FGF12: variants seen among roughly 807,000 people sequenced by gnomAD.
FGF12 encodes the protein fibroblast growth factor 12.
In FGF12, 14 loss-of-function variants were observed where a neutral mutation model predicts 23.6. That is an observed-to-expected ratio of 0.59 (90% CI 0.39 to 0.93). The LOEUF (loss-of-function observed/expected upper bound fraction) is 0.93. FGF12 is among the 40% of genes least tolerant of loss of function. FGF12 has a pLI of 0.00. For synonymous variants in FGF12, 62 were observed against 77.3 expected, an observed-to-expected ratio of 0.80 and a Z score of 1.04; for missense variants, 175 against 217.8, an observed-to-expected ratio of 0.80 and a Z score of 1.24.
chr3:192,400,369 CTTTT>C (rs5855423), intron 2 of FGF12, among the ~76,000 whole-genome samples: 2 of 130,780 alleles, frequency 1.5e-5, no homozygotes, highest in African/African-American at 2.9e-5. Flanking sequence ...ACATTCTTTT[CTTTT>C]TTTTTTTTTT....
intron 2 of FGF12, among the ~76,000 whole-genome samples, chr3:192,470,477 C>G (rs1472760936): frequency 6.6e-6 from 1 of 152,190 alleles, no homozygotes; most frequent in African/African-American, 2.4e-5. Flanking sequence ...CAACCTCTGC[C>G]TCCCAGGTTC....
At chr3:192,190,630 C>T (rs563899452) in intron 4 of FGF12, among the ~76,000 whole-genome samples, 13 of 151,660 alleles carry the variant, frequency 8.6e-5, no homozygotes, top group East Asian at 1.9e-4. Context: ...TGCCCGCCAC[C>T]GCGCCCGGCT....
At chr3:192,163,201 A>T (rs1714974783) in intron 5 of FGF12, among the ~76,000 whole-genome samples, 1 of 152,142 alleles carries the variant, frequency 6.6e-6, no homozygotes, top group South Asian at 2.1e-4. Flanking sequence ...TCATTCAAAC[A>T]AAAATTGCTT....
intron 2 of FGF12, among the ~76,000 whole-genome samples, chr3:192,598,875 A>G (rs1713976050): frequency 6.6e-6 from 1 of 152,218 alleles, no homozygotes; most frequent in Non-Finnish European, 1.5e-5. Flanking sequence ...ATGCCCATCA[A>G]TGATAGACTG....
At chr3:192,308,423 A>G (rs142203907) in intron 4 of FGF12, among the ~76,000 whole-genome samples, 5,745 of 152,280 alleles carry the variant, frequency 0.038, 347 homozygotes, top group African/African-American at 0.13. Flanking sequence ...CACGCCTGTA[A>G]TCCCAGCATT....
intron 4 of FGF12, among the ~76,000 whole-genome samples, chr3:192,278,688 A>C (rs557009180): frequency 5.3e-4 from 81 of 152,310 alleles, no homozygotes; most frequent in African/African-American, 1.9e-3. Context: ...GAAAGTGGAA[A>C]ACCAAGAGCT....
chr3:192,514,214 G>C lies in FGF12; in HGVS notation c.14-153676C>G, dbSNP rs1346510714. Among the ~76,000 whole-genome samples the C allele has an allele frequency of 1.3e-5, 2 of 152,198 alleles. No individual in the cohort carries two copies. Among genetic ancestry groups the C allele is most frequent in the African/African-American group, 4.8e-5 (2 of 41,452 alleles). Reference sequence around the variant, plus strand: ...ACCACCGCCAGATGTCTACTTTTCAGACAAAGCAAGAAAAAGAAAATATAC... The same window carrying C: ...ACCACCGCCAGATGTCTACTTTTCACACAAAGCAAGAAAAAGAAAATATAC... On this transcript the variant is annotated intron_variant, in intron 2 of 5. Transcript: ENST00000445105. This position sits in a 1 kb window ranked among gnomAD's most constrained non-coding sequence, Gnocchi z 4.9.
At chr3:192,642,300 T>C (rs1715835572) in intron 2 of FGF12, among the ~76,000 whole-genome samples, 1 of 152,162 alleles carries the variant, frequency 6.6e-6, no homozygotes, top group African/African-American at 2.4e-5. Flanking sequence ...GCTCCGAGAA[T>C]TCGAAACACT....
rs141271283 is a variant in FGF12 at position 192,538,241 on chromosome 3, C to T, written c.14-177703G>A. ...GGGATTACAGGCATGAGCCACCGCA[C>T]CAGGCCTTTAATCCGTTTTTTTTCT... On this transcript the variant is annotated intron_variant, in intron 2 of 5. Transcript: ENST00000445105. 4.5e-3 allele frequency among the ~76,000 whole-genome samples: 676 copies of T among 150,762 alleles called. 3 individuals are homozygous for T. Among genetic ancestry groups the T allele is most frequent in the South Asian group, 7.0e-3 (33 of 4,704 alleles).
intron 2 of FGF12, among the ~76,000 whole-genome samples, chr3:192,598,387 C>A (rs1393016638): frequency 6.6e-6 from 1 of 152,168 alleles, no homozygotes; most frequent in Non-Finnish European, 1.5e-5. Flanking sequence ...TAGTTCATTG[C>A]TTGTATAATT....
intron 5 of FGF12, among the ~76,000 whole-genome samples, chr3:192,167,753 ATATATATATATATAT>A (rs1715271637): frequency 3.6e-5 from 1 of 27,560 alleles, no homozygotes; most frequent in African/African-American, 1.7e-4. Flanking sequence ...ATATATATAT[ATATATATATATATAT>A]AAAATTTTTT....
chr3:192,231,894 C>A (rs1270541643), intron 4 of FGF12, among the ~76,000 whole-genome samples: 1 of 152,130 alleles, frequency 6.6e-6, no homozygotes, highest in Non-Finnish European at 1.5e-5. Flanking sequence ...GAATTACTGA[C>A]CAGTAGGAAA....
chr3:192,214,232 T>G (rs1054052971), intron 4 of FGF12, among the ~76,000 whole-genome samples: 3 of 152,234 alleles, frequency 2.0e-5, no homozygotes, highest in Non-Finnish European at 4.4e-5. Context: ...AGTGTTATAC[T>G]CATTTTACTG....
At chr3:192,381,604 C>T (rs1719814389) in intron 2 of FGF12, among the ~76,000 whole-genome samples, 1 of 152,110 alleles carries the variant, frequency 6.6e-6, no homozygotes, top group South Asian at 2.1e-4. Flanking sequence ...CTCACCAAAC[C>T]CTAGGGCGTC....
At chr3:192,619,614 G>A (rs992404311) in intron 2 of FGF12, among the ~76,000 whole-genome samples, 1 of 152,110 alleles carries the variant, frequency 6.6e-6, no homozygotes, top group African/African-American at 2.4e-5. Flanking sequence ...ATCTTGCTCA[G>A]GTATGAGATT....
At chr3:192,400,522 C>T (rs189081688) in intron 2 of FGF12, among the ~76,000 whole-genome samples, 9 of 152,192 alleles carry the variant, frequency 5.9e-5, no homozygotes, top group Admixed American at 2.6e-4. Flanking sequence ...GCACCCACCA[C>T]CACACTGAGC....
At chr3:192,555,660 T>C (rs1711736993) in intron 2 of FGF12, among the ~76,000 whole-genome samples, 2 of 139,842 alleles carry the variant, frequency 1.4e-5, no homozygotes, top group Non-Finnish European at 3.1e-5. Flanking sequence ...AGGCCAGGTG[T>C]AGTGGCAGGT....
At chr3:192,539,032 A>C (rs1199675818) in intron 2 of FGF12, among the ~76,000 whole-genome samples, 1 of 152,126 alleles carries the variant, frequency 6.6e-6, no homozygotes, top group Non-Finnish European at 1.5e-5. Flanking sequence ...AATTTGAATA[A>C]TTTTGGGTGC....
chr3:192,401,395 A>C (rs960967415), intron 2 of FGF12, among the ~76,000 whole-genome samples: 6 of 152,232 alleles, frequency 3.9e-5, no homozygotes, highest in African/African-American at 1.4e-4. Flanking sequence ...TCCACTGGAC[A>C]CTTGTGACAG....
Sources: allele counts gnomAD v4.1 joint callset (sites outside exome capture counted in the v4.1 genomes callset), GRCh38; gene constraint gnomAD v4.1.1; non-coding constraint Gnocchi (gnomAD v3.1); transcripts MANE v1.5; gene names NCBI Gene and HGNC (gene_info 2026-07-23, HGNC 2026-07-21).